Variants in CLOCK observed in about 807,000 individuals in gnomAD.
The protein encoded by CLOCK is clock circadian regulator.
CLOCK carries 43 observed loss-of-function variants against 118.4 expected under a neutral mutation model. The ratio of observed to expected loss-of-function variants is 0.36; its 90% CI spans 0.28 to 0.47. The LOEUF (loss-of-function observed/expected upper bound fraction) is 0.47. Ranked by LOEUF, CLOCK falls within the 20% of genes least tolerant of loss-of-function variation. CLOCK has a pLI of 1.00. For synonymous variants in CLOCK, 326 were observed against 339.2 expected (o/e 0.96, Z 0.43); for missense variants, 846 against 999.9 (o/e 0.85, Z 2.08).
intron 2 of CLOCK, among the ~76,000 whole-genome samples, chr4:55,496,281 A>AAC (rs1553899092): frequency 8.6e-5 from 13 of 151,864 alleles, no homozygotes; most frequent in Admixed American, 4.6e-4. Flanking sequence ...GAAAAAAAAA[A>AAC]CTGTGCCAGC....
Position 55,544,027 on chromosome 4 carries a change from G to A in CLOCK, c.-290+2755C>T, listed in dbSNP as rs562537394. ...TTTCATTACACAATATTAGTCACCA[G>A]GGGGAGTTTGAGGGTCCCCTCCCAA... On this transcript the variant is annotated intron_variant, in intron 1 of 22. Transcript: ENST00000513440. Among the ~76,000 whole-genome samples the A allele has an allele frequency of 1.5e-3, 229 of 152,226 alleles. 1 individual carries two copies. Among genetic ancestry groups the A allele is most frequent in the African/African-American group, 4.8e-3 (201 of 41,534 alleles).
intron 6 of CLOCK, 128 bp from the exon 7 acceptor site, chr4:55,476,182 A>C (rs2109880166): frequency 1.5e-6 from 1 of 675,936 alleles, no homozygotes; most frequent in Non-Finnish European, 2.7e-6. Context: ...TTTATTGGGT[A>C]GATATCAAGA....
chr4:55,504,283 CAAAAA>C (rs35414558), intron 2 of CLOCK, among the ~76,000 whole-genome samples: 3,566 of 51,596 alleles, frequency 0.069, 25 homozygotes, highest in Non-Finnish European at 0.1. Context: ...GAGACTCCAT[CAAAAA>C]AAAAAAAAAA....
chr4:55,462,988 AGGT>A (rs1725472820), intron 9 of CLOCK, among the ~76,000 whole-genome samples: 1 of 152,224 alleles, frequency 6.6e-6, no homozygotes, highest in Non-Finnish European at 1.5e-5. Flanking sequence ...TGATTAAACA[AGGT>A]ATCTAATAGC....
At chr4:55,498,194 T>A (rs1288305045) in intron 2 of CLOCK, among the ~76,000 whole-genome samples, 1 of 152,164 alleles carries the variant, frequency 6.6e-6, no homozygotes, top group African/African-American at 2.4e-5. Flanking sequence ...CAGAGCCACT[T>A]AAAACACCAC....
chr4:55,493,312 C>T (rs1437653571), intron 2 of CLOCK, among the ~76,000 whole-genome samples: 1 of 152,082 alleles, frequency 6.6e-6, no homozygotes, highest in Non-Finnish European at 1.5e-5. Context: ...CAGTTTTTCC[C>T]TAACCTAATA....
At chr4:55,525,703 A>G (rs1730135385) in intron 1 of CLOCK, among the ~76,000 whole-genome samples, 1 of 151,940 alleles carries the variant, frequency 6.6e-6, no homozygotes, top group Non-Finnish European at 1.5e-5. Flanking sequence ...CTCTTGGCCT[A>G]AAGTGATCCA....
chr4:55,445,375 A>G (rs1009336929), intron 18 of CLOCK, among the ~76,000 whole-genome samples: 2 of 151,728 alleles, frequency 1.3e-5, no homozygotes, highest in Non-Finnish European at 2.9e-5. Context: ...CCAGCTCTCT[A>G]CCTCTAATCT....
chr4:55,486,073 A>G (rs966179443), intron 3 of CLOCK, among the ~76,000 whole-genome samples: 1 of 152,128 alleles, frequency 6.6e-6, no homozygotes, highest in Non-Finnish European at 1.5e-5. Context: ...ACATTTCCCC[A>G]ATTTCTCAAT....
chr4:55,436,892 CTTTTTTT>C (rs35888413), intron 22 of CLOCK, among the ~76,000 whole-genome samples: 2 of 98,356 alleles, frequency 2.0e-5, no homozygotes, highest in Non-Finnish European at 4.0e-5. Flanking sequence ...TTTGGGATGC[CTTTTTTT>C]TTTTTTTTTT....
intron 5 of CLOCK, 54 bp downstream of exon 5, chr4:55,479,585 AT>A: frequency 7.5e-7 from 1 of 1,331,284 alleles, no homozygotes; most frequent in South Asian, 1.2e-5. Context: ...TTTATTTACC[AT>A]TATATTTATC....
chr4:55,448,236 C>T (rs1485798644), intron 18 of CLOCK, among the ~76,000 whole-genome samples: 2 of 152,092 alleles, frequency 1.3e-5, no homozygotes, highest in African/African-American at 4.8e-5. Context: ...ATCTGCAATG[C>T]CTGTTACACA....
intron 8 of CLOCK, among the ~76,000 whole-genome samples, chr4:55,470,043 A>T (rs1726022065): frequency 1.3e-5 from 2 of 152,238 alleles, no homozygotes; most frequent in Non-Finnish European, 2.9e-5. Flanking sequence ...TAAAAAAGTT[A>T]TAATAAGCTA....
chr4:55,531,149 CG>C (rs1560481913), intron 1 of CLOCK, among the ~76,000 whole-genome samples: 2 of 151,004 alleles, frequency 1.3e-5, no homozygotes, highest in Non-Finnish European at 2.9e-5. Flanking sequence ...GGCATGATTT[CG>C]AAAAAATGAT....
At chr4:55,447,992 TCC>T (rs1171657707) in intron 18 of CLOCK, among the ~76,000 whole-genome samples, 1 of 151,702 alleles carries the variant, frequency 6.6e-6, no homozygotes, top group African/African-American at 2.4e-5. Flanking sequence ...TTGGAATTAC[TCC>T]CCCTTTTTTT....
At chr4:55,490,342 C>T (rs1195651107) in intron 2 of CLOCK, among the ~76,000 whole-genome samples, 1 of 150,784 alleles carries the variant, frequency 6.6e-6, no homozygotes, top group Non-Finnish European at 1.5e-5. Flanking sequence ...ATATATACAC[C>T]CAACATCAGA....
intron 1 of CLOCK, among the ~76,000 whole-genome samples, chr4:55,535,821 GC>G (rs1394065747): frequency 7.0e-6 from 1 of 143,702 alleles, no homozygotes; most frequent in East Asian, 2.0e-4. Context: ...TTGGCTCACT[GC>G]AACCTCCACC....
At chr4:55,478,774 GC>G in intron 6 of CLOCK, 40 bp downstream of exon 6, 1 of 1,590,216 alleles carries the variant, frequency 6.3e-7, no homozygotes, top group African/African-American at 1.3e-5. Flanking sequence ...TCTAACTAAT[GC>G]TTTGAGAGTC....
chr4:55,437,897 C>A (rs1377514414), intron 22 of CLOCK, among the ~76,000 whole-genome samples: 2 of 152,056 alleles, frequency 1.3e-5, no homozygotes, highest in Non-Finnish European at 2.9e-5. Context: ...AAGGTAACAC[C>A]TATACTAGTA....
Sources: allele counts gnomAD v4.1 joint callset (sites outside exome capture counted in the v4.1 genomes callset), GRCh38; gene constraint gnomAD v4.1.1; transcripts MANE v1.5; gene names NCBI Gene and HGNC (gene_info 2026-07-23, HGNC 2026-07-21).